The following CTNNA3 variants were observed in gnomAD, a reference collection of about 807,000 sequenced individuals.
The protein encoded by CTNNA3 is catenin alpha 3.
A neutral mutation model predicts 95.7 loss-of-function variants in CTNNA3; 76 were observed. The ratio of observed to expected loss-of-function variants is 0.79; its 90% CI spans 0.66 to 0.96. The LOEUF (loss-of-function observed/expected upper bound fraction) is 0.96, where lower values mean the gene tolerates loss of function less well. Ranked by LOEUF, CTNNA3 falls within the 40% of genes least tolerant of loss-of-function variation. The pLI, the probability that CTNNA3 is intolerant of heterozygous loss-of-function variation, is 0.00. For missense variants in CTNNA3, 1,191 were observed against 1,089.8 expected, an observed-to-expected ratio of 1.09 and a Z score of -1.31; for synonymous variants, 431 against 374.4, an observed-to-expected ratio of 1.15 and a Z score of -1.74.
chr10:66,345,984 G>A (rs1393828393), intron 12 of CTNNA3, among the ~76,000 whole-genome samples: 8 of 148,220 alleles, frequency 5.4e-5, no homozygotes, highest in African/African-American at 2.0e-4. Flanking sequence ...GGCCGAGACA[G>A]GAGAATTGCT....
intron 7 of CTNNA3, among the ~76,000 whole-genome samples, chr10:66,868,745 C>T (rs940948029): frequency 1.3e-4 from 7 of 55,756 alleles, no homozygotes; most frequent in Admixed American, 2.5e-4. Context: ...AATGAGACTC[C>T]GTCTCAAAAA....
At chr10:66,497,635 T>C (rs1188615728) in intron 11 of CTNNA3, among the ~76,000 whole-genome samples, 1 of 152,070 alleles carries the variant, frequency 6.6e-6, no homozygotes, top group Non-Finnish European at 1.5e-5. Flanking sequence ...TTAATTATAA[T>C]CAAACTGTAC....
intron 10 of CTNNA3, among the ~76,000 whole-genome samples, chr10:66,564,852 T>G (rs539324651): frequency 6.6e-6 from 1 of 152,170 alleles, no homozygotes; most frequent in Non-Finnish European, 1.5e-5. Flanking sequence ...GTTATTTGTA[T>G]TTTATTTTTT....
intron 5 of CTNNA3, among the ~76,000 whole-genome samples, chr10:67,484,081 C>T (rs982726500): frequency 2.0e-5 from 3 of 152,160 alleles, no homozygotes; most frequent in African/African-American, 4.8e-5. Context: ...TCAAACTATA[C>T]TCTAAGGCTA....
intron 11 of CTNNA3, among the ~76,000 whole-genome samples, chr10:66,502,860 T>A (rs147314612): frequency 0.01 from 1,583 of 152,314 alleles, 28 homozygotes; most frequent in African/African-American, 0.037. Context: ...TGTTCTTCAC[T>A]GAGATTGTAA....
At position 65,958,453 on chromosome 10, in the gene CTNNA3, T is replaced by C. The variant is rs532068269; in HGVS notation, c.2400+8159A>G. Among the ~76,000 whole-genome samples, 6 of 152,324 alleles carry C rather than the reference T, an allele frequency of 3.9e-5. No individual in the cohort carries two copies. In the East Asian group the frequency reaches 1.2e-3, roughly 29 times the overall value. Reference sequence around the variant, plus strand: ...GCTGGTGAGGCGCTGCGTTCCTTTGTAGGAGAAGAGATGCTCTGATTTTTA... The same window carrying C: ...GCTGGTGAGGCGCTGCGTTCCTTTGCAGGAGAAGAGATGCTCTGATTTTTA... On this transcript the variant is annotated intron_variant, in intron 17 of 17. Transcript: ENST00000433211.
intron 17 of CTNNA3, among the ~76,000 whole-genome samples, chr10:65,922,612 G>A (rs959950038): frequency 3.3e-5 from 5 of 152,128 alleles, no homozygotes; most frequent in African/African-American, 9.7e-5. Flanking sequence ...TCTTTTAAAT[G>A]TGTCAGTATA....
At chr10:66,962,274 C>G (rs1344326084) in intron 7 of CTNNA3, among the ~76,000 whole-genome samples, 1 of 152,110 alleles carries the variant, frequency 6.6e-6, no homozygotes, top group African/African-American at 2.4e-5. Context: ...CACCCACTAG[C>G]CTCTCTTTGG....
At chr10:66,155,187 C>G (rs1281159767) in intron 13 of CTNNA3, among the ~76,000 whole-genome samples, 1 of 151,812 alleles carries the variant, frequency 6.6e-6, no homozygotes, top group Admixed American at 6.6e-5. Context: ...AGTACAGAGA[C>G]TCATAACTTA....
rs57487066 is a variant in CTNNA3, at chr10:67,048,834, G to A, written c.1047+131483C>T. ...CATAATAGTAACATGATGTCTCACC[G>A]TTCCCAGCTCATCACATGTTCTAAA... On this transcript the variant is annotated intron_variant, in intron 7 of 17. Coordinates refer to ENST00000433211, the MANE Select transcript of CTNNA3 (RefSeq NM_013266.4). 4.2e-3 allele frequency among the ~76,000 whole-genome samples: 640 copies of A among 152,086 alleles called. 5 individuals carry two copies. Among genetic ancestry groups the A allele is most frequent in the African/African-American group, 0.015 (603 of 41,520 alleles).
chr10:66,924,378 AAAC>A (rs1846951048), intron 7 of CTNNA3, among the ~76,000 whole-genome samples: 2 of 152,222 alleles, frequency 1.3e-5, no homozygotes, highest in African/African-American at 4.8e-5. Context: ...ACCTAACAAA[AAAC>A]AACAAGGCAA....
At chr10:66,125,013 A>T (rs559472118) in intron 13 of CTNNA3, among the ~76,000 whole-genome samples, 6 of 152,182 alleles carry the variant, frequency 3.9e-5, no homozygotes, top group Non-Finnish European at 7.3e-5. Context: ...ACACACAGCA[A>T]AATTATTCTT....
chr10:66,159,387 G>T (rs2084720474), intron 13 of CTNNA3, among the ~76,000 whole-genome samples: 1 of 151,756 alleles, frequency 6.6e-6, no homozygotes, highest in South Asian at 2.1e-4. Context: ...GATTTTGTCA[G>T]GTGCTTTTTC....
chr10:67,071,978 C>A (rs1589696206), intron 7 of CTNNA3, among the ~76,000 whole-genome samples: 1 of 152,146 alleles, frequency 6.6e-6, no homozygotes, highest in East Asian at 1.9e-4. Flanking sequence ...TTTTGAGACA[C>A]AGTCTCATTC....
At chr10:67,717,982 C>G (rs1841154419) in intron 1 of CTNNA3, among the ~76,000 whole-genome samples, 1 of 152,160 alleles carries the variant, frequency 6.6e-6, no homozygotes, top group Non-Finnish European at 1.5e-5. Flanking sequence ...TTTCTGTCCT[C>G]TTTTATTTCC....
chr10:67,296,708 A>T (rs2132483275), intron 5 of CTNNA3, among the ~76,000 whole-genome samples: 1 of 152,080 alleles, frequency 6.6e-6, no homozygotes, highest in East Asian at 2.0e-4. Context: ...CCGAGGCAGG[A>T]AGAACACCTG....
intron 12 of CTNNA3, among the ~76,000 whole-genome samples, chr10:66,321,379 A>T (rs1264072423): frequency 1.3e-5 from 2 of 152,110 alleles, no homozygotes; most frequent in Admixed American, 1.3e-4. Context: ...GCTGATATTT[A>T]AAGGTTGGAG....
intron 13 of CTNNA3, among the ~76,000 whole-genome samples, chr10:66,238,072 A>C (rs1007862839): frequency 1.3e-5 from 2 of 152,106 alleles, no homozygotes; most frequent in Admixed American, 6.5e-5. Flanking sequence ...CATATTTAAA[A>C]GATAGATTTA....
chr10:66,340,748 C>A (rs941167855), intron 12 of CTNNA3, among the ~76,000 whole-genome samples: 4 of 151,458 alleles, frequency 2.6e-5, no homozygotes, highest in Non-Finnish European at 5.9e-5. Context: ...TCGTAACCAT[C>A]CTGAGAGATA....
Sources: gnomAD v4.1 joint callset for allele counts (sites outside exome capture counted in the v4.1 genomes callset) on GRCh38, gnomAD v4.1.1 for gene constraint, MANE v1.5 for transcripts, NCBI Gene and HGNC (gene_info 2026-07-23, HGNC 2026-07-21) for gene names.